The following MYT1L variants were observed in gnomAD, a reference collection of about 807,000 sequenced individuals.
MYT1L encodes the protein myelin transcription factor 1 like, also known as myelin transcription factor 1-like protein.
A neutral mutation model predicts 126.7 loss-of-function variants in MYT1L; 12 were observed. The observed-to-expected ratio is 0.09, with a 90% CI of 0.06 to 0.15. The LOEUF is 0.15. MYT1L is among the 10% of genes least tolerant of loss of function. MYT1L has a pLI of 1.00. For missense variants in MYT1L, 979 were observed against 1,585.2 expected, an observed-to-expected ratio of 0.62 and a Z score of 6.49; for synonymous variants, 541 against 604.2, an observed-to-expected ratio of 0.90 and a Z score of 1.53.
intron 8 of MYT1L, among the ~76,000 whole-genome samples, chr2:1,956,655 TCTA>T (rs1299174020): frequency 6.6e-6 from 1 of 151,936 alleles, no homozygotes; most frequent in Non-Finnish European, 1.5e-5. Flanking sequence ...TATTTATCTA[TCTA>T]TCATCTATCT....
chr2:2,250,336 T>TA lies in MYT1L; in HGVS notation c.-421+34067dup, dbSNP rs539239795. 3.5e-4 allele frequency among the ~76,000 whole-genome samples: 54 copies of TA among 152,190 alleles called. 1 individual carries two copies. The highest frequency in any genetic ancestry group is 1.3e-3 in the African/African-American group (54 of 41,514). On this transcript the variant is annotated intron_variant, in intron 2 of 24. Coordinates refer to ENST00000647738, the MANE Select transcript of MYT1L (RefSeq NM_001303052.2). ...TACACAATGGAGTATTATTCAGCCA[T>TA]AAAAAATGAGATTCTGCCATTTGCA... is the stretch of plus-strand genomic sequence containing the variant.
rs2051845691 is a variant in MYT1L at position 1,910,730 on chromosome 2, A to G, written c.1710-383T>C. Among the ~76,000 whole-genome samples, 7 of 152,302 alleles carry G rather than the reference A, an allele frequency of 4.6e-5. No homozygotes were observed. The South Asian group carries it at 1.5e-3, about 32-fold the overall frequency. Reference sequence around the variant, plus strand: ...ATGAGTTTTGAAGCCCCAGAATGGCAATGAATTGACTGTTACCAGAAGATG... The same window carrying G: ...ATGAGTTTTGAAGCCCCAGAATGGCGATGAATTGACTGTTACCAGAAGATG... On this transcript the variant is annotated intron_variant, in intron 12 of 24. Transcript: ENST00000647738. This position sits in a 1 kb window ranked among gnomAD's most constrained non-coding sequence, Gnocchi z 4.8.
rs181471311 is a variant in MYT1L at position 2,186,283 on chromosome 2, T to A, written c.-420-13295A>T. Among the ~76,000 whole-genome samples the A allele has an allele frequency of 1.9e-4, 21 of 109,192 alleles. No individual in the cohort carries two copies. The East Asian group carries it at 5.5e-3, about 28-fold the overall frequency. The allele number at this position is 109,192 out of a possible 152,430, so 71.6% of individuals were successfully genotyped here. A position where few individuals can be genotyped will look rare whatever the true frequency, so the allele number is the denominator to read the frequency against. The stretch of plus-strand genomic sequence containing the variant: ...GGCCTTCCCGAGTCCCGCGTTCCTT[T>A]CGTGAGGGGGACGTAGCCGGGCCTC... On this transcript the variant is annotated intron_variant, in intron 2 of 24. Coordinates refer to ENST00000647738, the MANE Select transcript of MYT1L (RefSeq NM_001303052.2).
At chr2:2,178,546 C>A (rs1313290739) in intron 2 of MYT1L, among the ~76,000 whole-genome samples, 1 of 152,206 alleles carries the variant, frequency 6.6e-6, no homozygotes, top group African/African-American at 2.4e-5. Flanking sequence ...CCCTCGCCCT[C>A]CTTCCTTCTG....
chr2:1,845,617 G>C (rs778505469), intron 19 of MYT1L, among the ~76,000 whole-genome samples: 1 of 152,026 alleles, frequency 6.6e-6, no homozygotes, highest in Non-Finnish European at 1.5e-5. Context: ...CTCTTCTCTC[G>C]GCTGCCACTG....
intron 1 of MYT1L, among the ~76,000 whole-genome samples, chr2:2,316,330 G>C (rs1227207231): frequency 3.3e-5 from 5 of 152,196 alleles, no homozygotes; most frequent in South Asian, 2.1e-4. Context: ...ACGAGTTCTT[G>C]CTTGTCATTT....
intron 18 of MYT1L, among the ~76,000 whole-genome samples, chr2:1,877,107 A>C (rs527262585): frequency 6.6e-6 from 1 of 152,300 alleles, no homozygotes; most frequent in East Asian, 1.9e-4. Context: ...AGCTCTGCCT[A>C]TCATCACCCT....
intron 4 of MYT1L, among the ~76,000 whole-genome samples, chr2:2,004,161 GCC>G (rs1276156173): frequency 6.7e-6 from 1 of 149,636 alleles, no homozygotes; most frequent in African/African-American, 2.5e-5. Context: ...TTTCCTGTGT[GCC>G]TTCTTTCCTG....
chr2:1,830,087 T>C (rs2148262877), intron 21 of MYT1L, among the ~76,000 whole-genome samples: 1 of 152,270 alleles, frequency 6.6e-6, no homozygotes, highest in Non-Finnish European at 1.5e-5. Flanking sequence ...ATGTAGCAGC[T>C]ACTTAGTATC....
chr2:1,981,276 A>C (rs2149499609), intron 5 of MYT1L, among the ~76,000 whole-genome samples: 1 of 152,350 alleles, frequency 6.6e-6, no homozygotes, highest in South Asian at 2.1e-4. Flanking sequence ...AATGAGCTTA[A>C]AAATCTCTTA....
At position 1,791,974 on chromosome 2, in the gene MYT1L, C is replaced by G; in HGVS notation, c.3454G>C (p.Val1152Leu). 1 of 1,606,108 alleles carries G rather than the reference C, an allele frequency of 6.2e-7. No homozygotes were observed. The highest frequency in any genetic ancestry group is 8.5e-7 in the Non-Finnish European group (1 of 1,177,520). ...GTATACATTTCCGTCAAAGTAGTCA[C>G]GTAAGCATCAAAATTTTGTTCATTG... ...PINEQNFDAY[V>L]TTLTEMYTNQ... is the part of the protein sequence containing the mutation. Residue 1152 changes from valine (V) to leucine (L), a missense_variant, in exon 25 of 25, where the codon GTG (valine) becomes CTG (leucine). This residue lies in a region of MYT1L where 179 missense variants were observed against 398.6 expected (regional missense o/e 0.45). Coordinates refer to ENST00000647738, the MANE Select transcript of MYT1L (RefSeq NM_001303052.2). The surrounding 1 kb of genome is among the most constrained non-coding windows in gnomAD (Gnocchi z 6.0).
intron 4 of MYT1L, among the ~76,000 whole-genome samples, chr2:2,005,273 T>C (rs199653395): frequency 7.3e-6 from 1 of 136,850 alleles, no homozygotes; most frequent in Admixed American, 7.1e-5. Flanking sequence ...CGTTCTTTCC[T>C]GTGTGCCTTC....
intron 4 of MYT1L, among the ~76,000 whole-genome samples, chr2:2,003,665 C>T (rs1311270536): frequency 2.0e-5 from 3 of 152,156 alleles, no homozygotes; most frequent in Non-Finnish European, 4.4e-5. Flanking sequence ...CAGTGCCACC[C>T]CATCACCTTT....
chr2:1,862,409 A>T (rs369808696), intron 18 of MYT1L, among the ~76,000 whole-genome samples: 1 of 152,026 alleles, frequency 6.6e-6, no homozygotes, highest in Non-Finnish European at 1.5e-5. Context: ...ACTGCACTAA[A>T]CTCTTCTTGC....
At chr2:1,866,957 AAGAG>A (rs201827038) in intron 18 of MYT1L, among the ~76,000 whole-genome samples, 1 of 113,424 alleles carries the variant, frequency 8.8e-6, no homozygotes, top group African/African-American at 3.8e-5. Flanking sequence ...GAGAAACAGA[AAGAG>A]AGAGAGAGGG....
intron 4 of MYT1L, among the ~76,000 whole-genome samples, chr2:2,028,165 T>A (rs1468403508): frequency 6.6e-6 from 1 of 152,270 alleles, no homozygotes; most frequent in Non-Finnish European, 1.5e-5. Flanking sequence ...ATGAAGGGCA[T>A]GGGCCCCTTG....
At chr2:1,822,496 C>T (rs1438201749) in intron 21 of MYT1L, among the ~76,000 whole-genome samples, 3 of 152,202 alleles carry the variant, frequency 2.0e-5, no homozygotes, top group Non-Finnish European at 2.9e-5. Flanking sequence ...CCCAGGGATG[C>T]TCCTGCGTGC....
Position 1,848,745 on chromosome 2 carries a change from GT to G in MYT1L, c.2774+2895del, listed in dbSNP as rs2042835928. Reference sequence around the variant, plus strand: ...AGCTCATTTACACAGAACTGCACTTGTTTTGCTGGGGCCTCCATCTTCCTTT... The same window carrying G: ...AGCTCATTTACACAGAACTGCACTTGTTTGCTGGGGCCTCCATCTTCCTTT... On this transcript the variant is annotated intron_variant, in intron 19 of 24. Transcript: ENST00000647738. This position sits in a 1 kb window ranked among gnomAD's most constrained non-coding sequence, Gnocchi z 4.8. Among the ~76,000 whole-genome samples, 1 of 152,250 alleles carries G rather than the reference GT, an allele frequency of 6.6e-6. No individual in the cohort carries two copies. The highest frequency in any genetic ancestry group is 6.5e-5 in the Admixed American group (1 of 15,302).
At chr2:1,925,361 C>A (rs1322025931) in intron 9 of MYT1L, among the ~76,000 whole-genome samples, 1 of 152,194 alleles carries the variant, frequency 6.6e-6, no homozygotes, top group Non-Finnish European at 1.5e-5. Context: ...CTGGTTCCCA[C>A]CTTATGAACT....
Sources: allele counts gnomAD v4.1 joint callset (sites outside exome capture counted in the v4.1 genomes callset), GRCh38; gene constraint gnomAD v4.1.1; regional missense constraint gnomAD v4.1.1; non-coding constraint Gnocchi (gnomAD v3.1); transcripts MANE v1.5; gene names NCBI Gene and HGNC (gene_info 2026-07-23, HGNC 2026-07-21).